The following PPARD variants were observed in gnomAD, a reference collection of about 807,000 sequenced individuals.
PPARD encodes the protein peroxisome proliferator-activated receptor delta.
PPARD carries 6 observed loss-of-function variants against 39.5 expected under a neutral mutation model. The ratio of observed to expected loss-of-function variants is 0.15; its 90% confidence interval spans 0.08 to 0.30. The LOEUF is 0.30. Ranked by LOEUF, PPARD falls within the 10% of genes least tolerant of loss-of-function variation. PPARD has a pLI of 1.00. For synonymous variants in PPARD, 210 were observed against 231.3 expected, an observed-to-expected ratio of 0.91 and a Z score of 0.83; for missense variants, 397 against 596.8, an observed-to-expected ratio of 0.67 and a Z score of 3.49.
At chr6:35,347,043 G>T (rs752228967) in intron 1 of PPARD, 24 bp from the exon 2 acceptor site, 4 of 1,464,950 alleles carry the variant, frequency 2.7e-6, no homozygotes, top group Middle Eastern at 3.4e-4. Context: ...AGCTAAAGCT[G>T]TTGGGGTTTT....
intron 3 of PPARD, among the ~76,000 whole-genome samples, chr6:35,418,286 G>T (rs1765907484): frequency 6.6e-6 from 1 of 152,184 alleles, no homozygotes; most frequent in Non-Finnish European, 1.5e-5. Flanking sequence ...TTTCTGTCAT[G>T]TTATCTCTTT....
intron 2 of PPARD, among the ~76,000 whole-genome samples, chr6:35,372,447 G>T (rs1762536079): frequency 6.6e-6 from 1 of 152,214 alleles, no homozygotes; most frequent in Admixed American, 6.5e-5. Context: ...CCAAAGTGCT[G>T]GGATTACAGG....
intron 2 of PPARD, among the ~76,000 whole-genome samples, chr6:35,387,862 C>T (rs1442094159): frequency 1.4e-4 from 21 of 151,312 alleles, no homozygotes; most frequent in African/African-American, 4.9e-4. Context: ...GCTGGGATTA[C>T]AGGCACCCAC....
chr6:35,387,010 T>G (rs776007427), intron 2 of PPARD, among the ~76,000 whole-genome samples: 2 of 151,492 alleles, frequency 1.3e-5, no homozygotes, highest in Non-Finnish European at 2.9e-5. Context: ...GACAAATATA[T>G]AAACTGGAAA....
intron 2 of PPARD, chr6:35,349,135 C>T: frequency 1.5e-6 from 1 of 646,100 alleles, no homozygotes; most frequent in Non-Finnish European, 1.9e-6. Flanking sequence ...ACACCATTCT[C>T]CTGCCTAAGC....
chr6:35,382,814 A>G (rs1763223369), intron 2 of PPARD, among the ~76,000 whole-genome samples: 1 of 152,148 alleles, frequency 6.6e-6, no homozygotes, highest in Non-Finnish European at 1.5e-5. Context: ...TCATCTGTCA[A>G]ATTTTGATCC....
chr6:35,403,838 G>A (rs1764854818), intron 2 of PPARD, among the ~76,000 whole-genome samples: 1 of 152,202 alleles, frequency 6.6e-6, no homozygotes, highest in African/African-American at 2.4e-5. Context: ...GGAGGGGATG[G>A]CATTCAAGGC....
In PPARD at chr6:35,411,141, G is replaced by C. The variant is rs778110245; in HGVS notation, c.54G>C (p.Glu18Asp). The C allele has an allele frequency of 2.5e-6, 4 of 1,585,266 alleles. No individual in the cohort carries two copies. In the South Asian group the frequency reaches 4.6e-5, roughly 18 times the overall value. ...AGGTCCGGGAAGAGGAGGAGAAAGA[G>C]GAAGTGGCAGAGGCAGAAGGAGCCC... ...APEVREEEEK[E>D]EVAEAEGAPE... The change falls in exon 3 of 8, where the codon GAG (glutamate) becomes GAC (aspartate). Residue 18 changes from glutamate (E) to aspartate (D), a missense_variant. Transcript: ENST00000360694.
chr6:35,410,328 C>T (rs890870798), intron 2 of PPARD, among the ~76,000 whole-genome samples: 1 of 152,178 alleles, frequency 6.6e-6, no homozygotes, highest in African/African-American at 2.4e-5. Context: ...GGAACTGTCT[C>T]CTCCTGGGTG....
chr6:35,346,279 TC>T (rs1792179162), intron 1 of PPARD, among the ~76,000 whole-genome samples: 1 of 152,112 alleles, frequency 6.6e-6, no homozygotes, highest in Non-Finnish European at 1.5e-5. Context: ...GGTGCCTTGC[TC>T]CAGTGCCTCT....
At chr6:35,414,779 G>A (rs113119556) in intron 3 of PPARD, among the ~76,000 whole-genome samples, 1,556 of 152,256 alleles carry the variant, frequency 0.01, 6 homozygotes, top group Middle Eastern at 0.024. Flanking sequence ...CATAAGGACA[G>A]CGCACAGCTT....
chr6:35,400,200 CCAGT>C (rs1340451529), intron 2 of PPARD, among the ~76,000 whole-genome samples: 1 of 152,164 alleles, frequency 6.6e-6, no homozygotes, highest in Non-Finnish European at 1.5e-5. Context: ...TTCTCCTGGG[CCAGT>C]CAGAGTTTCA....
intron 2 of PPARD, among the ~76,000 whole-genome samples, chr6:35,406,357 G>A (rs1178470721): frequency 6.6e-6 from 1 of 152,232 alleles, no homozygotes; most frequent in Non-Finnish European, 1.5e-5. Context: ...TGGGTCAGGG[G>A]AGAGAGCCTA....
intron 2 of PPARD, among the ~76,000 whole-genome samples, chr6:35,367,404 C>T (rs1283967061): frequency 6.6e-6 from 1 of 152,208 alleles, no homozygotes; most frequent in East Asian, 1.9e-4. Flanking sequence ...GTAACTGGCA[C>T]TGGCCTGCGC....
At position 35,399,042 on chromosome 6, in the gene PPARD, G is replaced by C. The variant is rs1475724123; in HGVS notation, c.-101-11945G>C. ...GTGGGAGAATTGCTTGAATCCAGGA[G>C]GCAGAAGTTGCAGTGAGCTGAGATC... On this transcript the variant is annotated intron_variant, in intron 2 of 7. Transcript: ENST00000360694. Among the ~76,000 whole-genome samples, 3 of 152,024 alleles carry C rather than the reference G, an allele frequency of 2.0e-5. No homozygotes were observed. The East Asian group carries it at 5.8e-4, about 29-fold the overall frequency.
chr6:35,380,480 T>G (rs372617389), intron 2 of PPARD, among the ~76,000 whole-genome samples: 1,544 of 94,134 alleles, frequency 0.016, 12 homozygotes, highest in African/African-American at 0.057. Flanking sequence ...TTGTTTGTTT[T>G]TTTTTTTTTT....
intron 3 of PPARD, among the ~76,000 whole-genome samples, chr6:35,413,415 G>A (rs62402061): frequency 0.057 from 8,690 of 152,270 alleles, 382 homozygotes; most frequent in Admixed American, 0.11. Context: ...AGGGTTACTT[G>A]ACATAATCAC....
At chr6:35,355,598 CTTTTTTTTTTTTTTTTTTTTTT>C (rs1166499750) in intron 2 of PPARD, among the ~76,000 whole-genome samples, 1 of 33,462 alleles carries the variant, frequency 3.0e-5, no homozygotes, top group East Asian at 9.5e-4. Context: ...TCTTCTTCTT[CTTTTTTTTTTTTTTTTTTTTTT>C]TTTTTTTTTG....
At chr6:35,389,876 C>T (rs1309632041) in intron 2 of PPARD, among the ~76,000 whole-genome samples, 2 of 152,218 alleles carry the variant, frequency 1.3e-5, no homozygotes, top group Non-Finnish European at 2.9e-5. Context: ...CACCCTCTCT[C>T]ACTGTGTCAT....
Sources: allele counts gnomAD v4.1 joint callset (sites outside exome capture counted in the v4.1 genomes callset), GRCh38; gene constraint gnomAD v4.1.1; transcripts MANE v1.5; gene names NCBI Gene and HGNC (gene_info 2026-07-23, HGNC 2026-07-21).